Variants in ZNF106 observed in about 807,000 individuals in gnomAD.
ZNF106 encodes the protein SH3-domain binding protein 3.
In ZNF106, 67 loss-of-function variants were observed where a neutral mutation model predicts 195.1. The ratio of observed to expected loss-of-function variants is 0.34; its 90% CI spans 0.28 to 0.42. The LOEUF (loss-of-function observed/expected upper bound fraction) is 0.42, where lower values mean the gene tolerates loss of function less well. Ranked by LOEUF, ZNF106 falls within the 10% of genes least tolerant of loss-of-function variation. The probability of loss-of-function intolerance (pLI) is 1.00; values close to 1 mark genes in which losing one functional copy is unlikely to be tolerated. For missense variants in ZNF106, 2,118 were observed against 2,304.5 expected, an observed-to-expected ratio of 0.92 and a Z score of 1.66; for synonymous variants, 784 against 818.6, an observed-to-expected ratio of 0.96 and a Z score of 0.72.
chr15:42,428,498 T>C (rs530673135), intron 14 of ZNF106, among the ~76,000 whole-genome samples: 1 of 152,340 alleles, frequency 6.6e-6, no homozygotes, highest in South Asian at 2.1e-4. Flanking sequence ...GGATTATAGT[T>C]ATATATTTGA....
intron 2 of ZNF106, among the ~76,000 whole-genome samples, chr15:42,469,897 A>C (rs1595488881): frequency 6.6e-6 from 1 of 151,960 alleles, no homozygotes; most frequent in South Asian, 2.1e-4. Flanking sequence ...AAGAAAAGAA[A>C]AAAGATCCAC....
chr15:42,446,027 C>T (rs141415942), intron 7 of ZNF106, among the ~76,000 whole-genome samples: 395 of 152,322 alleles, frequency 2.6e-3, no homozygotes, highest in Non-Finnish European at 4.2e-3. Flanking sequence ...AGAGGGCCAA[C>T]ACATTTCATC....
chr15:42,421,390 A>G (rs536454495), intron 19 of ZNF106, among the ~76,000 whole-genome samples: 5 of 152,276 alleles, frequency 3.3e-5, no homozygotes, highest in Admixed American at 3.3e-4. Context: ...CTTGTCCTTT[A>G]TACTTTAACT....
intron 4 of ZNF106, among the ~76,000 whole-genome samples, chr15:42,454,263 A>G (rs942707268): frequency 6.6e-6 from 1 of 151,992 alleles, no homozygotes; most frequent in African/African-American, 2.4e-5. Flanking sequence ...AATCATTTCT[A>G]AACAGGAGAC....
At chr15:42,457,457 GA>G in intron 3 of ZNF106, 1 of 1,260,740 alleles carries the variant, frequency 7.9e-7, no homozygotes. Flanking sequence ...GAAACATGGT[GA>G]AAGGGGAGGC....
intron 1 of ZNF106, among the ~76,000 whole-genome samples, chr15:42,473,701 G>A (rs549824293): frequency 6.6e-6 from 1 of 152,022 alleles, no homozygotes; most frequent in East Asian, 1.9e-4. Context: ...ATTTTTTATA[G>A]CACTGTGGTA....
At chr15:42,484,806 T>C (rs2056973672) in intron 1 of ZNF106, among the ~76,000 whole-genome samples, 1 of 152,028 alleles carries the variant, frequency 6.6e-6, no homozygotes, top group Non-Finnish European at 1.5e-5. Flanking sequence ...TCAATAATCT[T>C]TCTGAACTAA....
At chr15:42,449,407 G>A (rs544991240) in intron 5 of ZNF106, among the ~76,000 whole-genome samples, 1 of 152,258 alleles carries the variant, frequency 6.6e-6, no homozygotes, top group South Asian at 2.1e-4. Flanking sequence ...GTTATAGCAC[G>A]CATTCCAAAA....
intron 3 of ZNF106, among the ~76,000 whole-genome samples, chr15:42,462,796 GTTTT>G (rs1476632071): frequency 6.6e-6 from 1 of 151,972 alleles, no homozygotes; most frequent in Non-Finnish European, 1.5e-5. Flanking sequence ...ACCAAACTTG[GTTTT>G]GTTTTGACAG....
intron 13 of ZNF106, among the ~76,000 whole-genome samples, chr15:42,435,991 TC>T (rs1168832126): frequency 1.1e-4 from 17 of 151,208 alleles, no homozygotes; most frequent in Admixed American, 1.1e-3. Flanking sequence ...TCTCGCTCTG[TC>T]CCCCAGGCTG....
At chr15:42,462,506 G>A (rs1202253681) in intron 3 of ZNF106, among the ~76,000 whole-genome samples, 1 of 152,146 alleles carries the variant, frequency 6.6e-6, no homozygotes, top group Non-Finnish European at 1.5e-5. Context: ...GCTCAGGCAG[G>A]AGAATCGCTT....
intron 11 of ZNF106, 21 bp downstream of exon 11, chr15:42,439,012 G>C: frequency 6.3e-7 from 1 of 1,586,900 alleles, no homozygotes; most frequent in Non-Finnish European, 8.6e-7. Flanking sequence ...TGTTCTGACT[G>C]GACCAATACA....
intron 3 of ZNF106, chr15:42,457,540 C>A: frequency 9.3e-7 from 1 of 1,069,716 alleles, no homozygotes; most frequent in Non-Finnish European, 1.1e-6. Context: ...CTCAGAAGGC[C>A]TGGTGACAGC....
intron 1 of ZNF106, among the ~76,000 whole-genome samples, chr15:42,476,075 C>A (rs2056780162): frequency 6.6e-6 from 1 of 152,122 alleles, no homozygotes; most frequent in African/African-American, 2.4e-5. Flanking sequence ...AAGTCTCCCT[C>A]TTTTTAGTTA....
chr15:42,439,712 AC>A lies in ZNF106; in HGVS notation c.3864del (p.Lys1288AsnfsTer26). 1.9e-6 allele frequency: 3 copies of A among 1,613,966 alleles called. No homozygotes were observed. The highest frequency in any genetic ancestry group is 2.5e-6 in the Non-Finnish European group (3 of 1,179,974). On this transcript the variant is annotated frameshift_variant, in exon 11 of 22. Transcript: ENST00000564754. LOFTEE classifies it high-confidence loss of function. ...ESFHEPSQEL[K>X]FSVEQRNTRN... ...CTGGTATTTCTTTGCTCCACAGAAA[AC>A]TTCAGTTCTTGGCTAGGCTCATGGA...
rs1308871980 is a variant in ZNF106 at position 42,439,232 on chromosome 15, G to C, written c.4345C>G (p.Leu1449Val). The change falls in exon 11 of 22, where the codon CTA becomes GTA. Residue 1449 changes from leucine to valine, a missense_variant. Transcript: ENST00000564754. ...EPDSDSSLEV[L>V]EIPNPQLEVV... The stretch of plus-strand genomic sequence containing the variant: ...TCTAACTGAGGATTAGGAATTTCTA[G>C]GACTTCCAGAGACGAGTCACTATCT... The C allele has an allele frequency of 6.2e-7, 1 of 1,614,130 alleles. No individual in the cohort carries two copies. The highest frequency in any genetic ancestry group is 8.5e-7 in the Non-Finnish European group (1 of 1,180,022).
At position 42,415,270 on chromosome 15, in the gene ZNF106, T is replaced by C. The variant is rs2054408268; in HGVS notation, c.*2034A>G. The C allele has an allele frequency of 2.9e-6, 1 of 343,148 alleles. No individual in the cohort carries two copies. Among genetic ancestry groups the C allele is most frequent in the East Asian group, 8.0e-5 (1 of 12,434 alleles). The allele number at this position is 343,148 out of a possible 1,614,324, so 21.3% of individuals were successfully genotyped here. On this transcript the variant is annotated 3_prime_UTR_variant, in exon 22 of 22. Coordinates refer to ENST00000564754, the MANE Select transcript of ZNF106 (RefSeq NM_001366845.3). ...CTGAGTAGCTGAGACTACAGGCACA[T>C]ACCACCACACCCAGCTAATTTTTGT... is the stretch of plus-strand genomic sequence containing the variant.
At chr15:42,433,384 C>A (rs1281714892) in intron 14 of ZNF106, among the ~76,000 whole-genome samples, 1 of 152,092 alleles carries the variant, frequency 6.6e-6, no homozygotes, top group African/African-American at 2.4e-5. Flanking sequence ...GGATTACAGG[C>A]GTGAGCCACC....
chr15:42,418,796 TG>T (rs752844156), intron 20 of ZNF106, among the ~76,000 whole-genome samples: 3 of 152,158 alleles, frequency 2.0e-5, no homozygotes, highest in Non-Finnish European at 2.9e-5. Flanking sequence ...GTGTTTGCCA[TG>T]GAAGCCTGAC....
Sources: allele counts gnomAD v4.1 joint callset (sites outside exome capture counted in the v4.1 genomes callset), GRCh38; gene constraint gnomAD v4.1.1; transcripts MANE v1.5; gene names NCBI Gene and HGNC (gene_info 2026-07-23, HGNC 2026-07-21).